Variants in AUTS2 observed in about 807,000 individuals in gnomAD.
The protein encoded by AUTS2 is activator of transcription and developmental regulator AUTS2, also known as autism susceptibility gene 2 protein.
AUTS2 carries 17 observed loss-of-function variants against 112.4 expected under a neutral mutation model. That is an observed-to-expected ratio of 0.15 (90% CI 0.10 to 0.23). The LOEUF is 0.23. Ranked by LOEUF, AUTS2 falls within the 10% of genes least tolerant of loss-of-function variation. The pLI, the probability that AUTS2 is intolerant of heterozygous loss-of-function variation, is 1.00. For missense variants in AUTS2, 1,510 were observed against 1,701.6 expected (o/e 0.89, Z 1.98); for synonymous variants, 751 against 702.7 (o/e 1.07, Z -1.09).
intron 5 of AUTS2, among the ~76,000 whole-genome samples, chr7:70,468,182 C>G (rs1255290827): frequency 1.3e-5 from 2 of 152,182 alleles, no homozygotes; most frequent in Non-Finnish European, 2.9e-5. Flanking sequence ...GTGACCCAGA[C>G]TAGGAGCATT....
Position 69,617,007 on chromosome 7 carries a change from A to G in AUTS2, c.309+17045A>G, listed in dbSNP as rs369870484. Among the ~76,000 whole-genome samples the G allele has an allele frequency of 3.5e-4, 54 of 152,308 alleles. No homozygotes were observed. The East Asian group carries it at 5.4e-3, about 15-fold the overall frequency. The stretch of plus-strand genomic sequence containing the variant: ...CCATAGTAAATTAGAAAAAATAGAT[A>G]TCTATTTTAATGGAGTTTATATTCT... On this transcript the variant is annotated intron_variant, in intron 1 of 18. Coordinates refer to ENST00000342771, the MANE Select transcript of AUTS2 (RefSeq NM_015570.4).
intron 4 of AUTS2, among the ~76,000 whole-genome samples, chr7:70,270,145 T>G (rs1787621696): frequency 6.6e-6 from 1 of 152,172 alleles, no homozygotes; most frequent in Non-Finnish European, 1.5e-5. Context: ...ACATTCCATG[T>G]AGTCTTGGGA....
chr7:70,094,919 T>G (rs950007225), intron 2 of AUTS2, among the ~76,000 whole-genome samples: 1 of 152,172 alleles, frequency 6.6e-6, no homozygotes, highest in East Asian at 1.9e-4. Flanking sequence ...CCTTCTCCCC[T>G]GGTTGCAGTT....
chr7:70,462,597 A>C (rs985130067), intron 5 of AUTS2, among the ~76,000 whole-genome samples: 3 of 152,160 alleles, frequency 2.0e-5, no homozygotes, highest in African/African-American at 7.2e-5. Context: ...AGTTGTGATC[A>C]TGTACAACCA....
At chr7:70,607,768 G>C (rs1056935012) in intron 5 of AUTS2, among the ~76,000 whole-genome samples, 1 of 152,158 alleles carries the variant, frequency 6.6e-6, no homozygotes, top group African/African-American at 2.4e-5. Flanking sequence ...TCCTTCCACA[G>C]ATATTTATAT....
chr7:70,488,295 T>C (rs566676592), intron 5 of AUTS2, among the ~76,000 whole-genome samples: 2 of 152,246 alleles, frequency 1.3e-5, no homozygotes, highest in South Asian at 4.1e-4. Flanking sequence ...CTGTTTGTCA[T>C]TTGGCTCCCA....
At chr7:69,736,656 A>G (rs1787043210) in intron 1 of AUTS2, among the ~76,000 whole-genome samples, 1 of 152,220 alleles carries the variant, frequency 6.6e-6, no homozygotes, top group African/African-American at 2.4e-5. Context: ...AGCAGGCTGT[A>G]AGTCAGCATG....
intron 1 of AUTS2, among the ~76,000 whole-genome samples, chr7:69,679,190 T>C (rs80177557): frequency 0.014 from 2,125 of 152,360 alleles, 26 homozygotes; most frequent in Middle Eastern, 0.037. Flanking sequence ...ATTCGTAGTT[T>C]CTCTTTAGTT....
intron 5 of AUTS2, among the ~76,000 whole-genome samples, chr7:70,520,949 A>AT (rs907404986): frequency 4.2e-4 from 63 of 151,526 alleles, no homozygotes; most frequent in African/African-American, 1.5e-3. Flanking sequence ...GCTTCCTTTC[A>AT]TTTTTTTTGC....
chr7:70,730,709 G>C (rs538194823), intron 6 of AUTS2, among the ~76,000 whole-genome samples: 1 of 152,232 alleles, frequency 6.6e-6, no homozygotes, highest in South Asian at 2.1e-4. Context: ...TAATGCTGCC[G>C]TGAACATTCA....
intron 4 of AUTS2, among the ~76,000 whole-genome samples, chr7:70,140,813 T>C (rs1319140930): frequency 6.6e-6 from 1 of 152,228 alleles, no homozygotes; most frequent in Non-Finnish European, 1.5e-5. Flanking sequence ...TATCCAGTTA[T>C]TATTAGGGCA....
intron 4 of AUTS2, among the ~76,000 whole-genome samples, chr7:70,314,107 G>A (rs189734906): frequency 5.1e-4 from 78 of 152,258 alleles, no homozygotes; most frequent in Non-Finnish European, 8.1e-4. Context: ...CTCTCATTAG[G>A]ATGTAGCCCC....
intron 5 of AUTS2, among the ~76,000 whole-genome samples, chr7:70,686,527 GGCCCT>G (rs1808481240): frequency 6.6e-6 from 1 of 151,992 alleles, no homozygotes; most frequent in South Asian, 2.1e-4. Context: ...CCTGTTTAAA[GGCCCT>G]TTTTGTTTTG....
At chr7:69,835,983 G>A (rs557426602) in intron 1 of AUTS2, among the ~76,000 whole-genome samples, 2 of 152,266 alleles carry the variant, frequency 1.3e-5, no homozygotes, top group African/African-American at 4.8e-5. Flanking sequence ...CCTCCTGGCC[G>A]TGATTTATTG....
rs183912634 is a variant in AUTS2, at chr7:70,050,901, A to G, written c.523-67231A>G. 1.1e-3 allele frequency among the ~76,000 whole-genome samples: 161 copies of G among 152,292 alleles called. No homozygotes were observed. In the Middle Eastern group the frequency reaches 0.014, roughly 13 times the overall value. The stretch of plus-strand genomic sequence containing the variant: ...TCCCAGCTACTTGGGAGGCTGAGAC[A>G]GGAGAATCACTTGAACCTGGGAGGC... On this transcript the variant is annotated intron_variant, in intron 2 of 18. Coordinates refer to ENST00000342771, the MANE Select transcript of AUTS2 (RefSeq NM_015570.4).
intron 1 of AUTS2, among the ~76,000 whole-genome samples, chr7:69,798,949 C>A (rs907577194): frequency 1.3e-5 from 2 of 151,454 alleles, no homozygotes; most frequent in African/African-American, 2.4e-5. Flanking sequence ...TTTAATGGCA[C>A]CACTGCATTC....
At chr7:70,393,704 T>G (rs1007828046) in intron 4 of AUTS2, among the ~76,000 whole-genome samples, 16 of 152,200 alleles carry the variant, frequency 1.1e-4, no homozygotes, top group African/African-American at 3.9e-4. Context: ...GCAGCTGATA[T>G]GTTCTGCTTT....
In AUTS2 at chr7:70,763,008, T is replaced by C. The variant is rs1021231412; in HGVS notation, c.881T>C (p.Val294Ala). 3.1e-6 allele frequency: 5 copies of C among 1,614,012 alleles called. No individual in the cohort carries two copies. The highest frequency in any genetic ancestry group is 4.2e-6 in the Non-Finnish European group (5 of 1,180,002). ...AAAGAGCCAATCTTTGAGCCTGTGG[T>C]GCTTAAAGACCCCTGCCCTCAGGTC... ...CCKEPIFEPV[V>A]LKDPCPQVAQ... The change falls in exon 7 of 19, where the codon GTG becomes GCG. Residue 294 changes from valine (V) to alanine (A), a missense_variant. Transcript: ENST00000342771.
chr7:70,021,147 T>C (rs1197056046), intron 2 of AUTS2, among the ~76,000 whole-genome samples: 1 of 152,050 alleles, frequency 6.6e-6, no homozygotes, highest in East Asian at 1.9e-4. Context: ...CACACCTGGC[T>C]AATTTTGTAT....
Sources: allele counts gnomAD v4.1 joint callset (sites outside exome capture counted in the v4.1 genomes callset), GRCh38; gene constraint gnomAD v4.1.1; transcripts MANE v1.5; gene names NCBI Gene and HGNC (gene_info 2026-07-23, HGNC 2026-07-21).